The following GALNT14 variants were observed in gnomAD, a reference collection of about 807,000 sequenced individuals.
GALNT14 encodes polypeptide N-acetylgalactosaminyltransferase 14, also known as UDP-GalNAc:polypeptide N-acetylgalactosaminyltransferase 14.
In GALNT14, 60 loss-of-function variants were observed where a neutral mutation model predicts 77.5. The ratio of observed to expected loss-of-function variants is 0.77; its 90% confidence interval spans 0.63 to 0.96. The LOEUF is 0.96. GALNT14 is among the 40% of genes least tolerant of loss of function. The pLI is 0.00. For missense variants in GALNT14, 710 were observed against 731.0 expected, an observed-to-expected ratio of 0.97 and a Z score of 0.33; for synonymous variants, 280 against 281.7, an observed-to-expected ratio of 0.99 and a Z score of 0.06.
intron 1 of GALNT14, among the ~76,000 whole-genome samples, chr2:31,080,876 A>T (rs1251808142): frequency 6.6e-6 from 1 of 152,218 alleles, no homozygotes; most frequent in Non-Finnish European, 1.5e-5. Context: ...AAAGATGCAG[A>T]TACTAAATTT....
intron 6 of GALNT14, among the ~76,000 whole-genome samples, chr2:30,952,891 T>C (rs1405085810): frequency 1.3e-5 from 2 of 152,214 alleles, no homozygotes; most frequent in African/African-American, 4.8e-5. Context: ...CTCCATCCCC[T>C]GCCAAGGGGT....
At chr2:31,030,263 C>T (rs1284529948) in intron 1 of GALNT14, among the ~76,000 whole-genome samples, 2 of 152,048 alleles carry the variant, frequency 1.3e-5, no homozygotes, top group Non-Finnish European at 2.9e-5. Context: ...TAAGAAATGT[C>T]AGCTGTAATA....
chr2:31,053,771 T>A (rs1674044579), intron 1 of GALNT14, among the ~76,000 whole-genome samples: 1 of 152,200 alleles, frequency 6.6e-6, no homozygotes. Context: ...CACCTCGGCA[T>A]CCATGCTTTC....
At chr2:31,137,519 G>GGCCTCCC (rs1679277289) in intron 1 of GALNT14, among the ~76,000 whole-genome samples, 1 of 152,044 alleles carries the variant, frequency 6.6e-6, no homozygotes, top group Non-Finnish European at 1.5e-5. Flanking sequence ...CCCGGCCTCC[G>GGCCTCCC]GCCTCCCCAG....
rs555570721 is a variant in GALNT14, at chr2:31,087,548, C to G, written c.129+50410G>C. 7.1e-5 allele frequency among the ~76,000 whole-genome samples: 4 copies of G among 55,970 alleles called. No individual in the cohort carries two copies. In the East Asian group the frequency reaches 1.2e-3, roughly 17 times the overall value. 36.7% of individuals were successfully genotyped at this position (55,970 alleles called of 152,430 possible). ...AGGCGAGGAGAGGAAGACCTCTAGA[C>G]CAAGTCCTTAGAAACAACACCACTG... On this transcript the variant is annotated intron_variant, in intron 1 of 14. Coordinates refer to ENST00000349752, the MANE Select transcript of GALNT14 (RefSeq NM_024572.4).
chr2:31,017,410 A>G (rs1230450387), intron 1 of GALNT14, among the ~76,000 whole-genome samples: 1 of 152,262 alleles, frequency 6.6e-6, no homozygotes, highest in Non-Finnish European at 1.5e-5. Flanking sequence ...ATTTACTGTA[A>G]ATAATACATA....
chr2:31,134,156 C>T (rs748960427), intron 1 of GALNT14, among the ~76,000 whole-genome samples: 3 of 152,214 alleles, frequency 2.0e-5, no homozygotes, highest in Admixed American at 6.5e-5. Flanking sequence ...CCTGCCTCTC[C>T]GAAGGCAATC....
intron 1 of GALNT14, among the ~76,000 whole-genome samples, chr2:31,048,992 GT>G (rs1414256816): frequency 1.2e-4 from 19 of 152,232 alleles, no homozygotes; most frequent in African/African-American, 4.6e-4. Context: ...CCCTTGTCCT[GT>G]CCAGCCAGCT....
intron 1 of GALNT14, among the ~76,000 whole-genome samples, chr2:31,067,324 G>T (rs1018257394): frequency 2.6e-5 from 4 of 152,138 alleles, no homozygotes; most frequent in African/African-American, 9.7e-5. Context: ...TCCCCACGGG[G>T]GCCAAAGAGA....
chr2:30,971,889 C>G (rs1316411920), intron 2 of GALNT14, among the ~76,000 whole-genome samples: 1 of 152,220 alleles, frequency 6.6e-6, no homozygotes, highest in African/African-American at 2.4e-5. Flanking sequence ...TCATTACATC[C>G]TGGCAGCAGC....
Position 31,137,943 on chromosome 2 carries a change from C to G in GALNT14, c.129+15G>C, listed in dbSNP as rs200209905. Reference sequence around the variant, plus strand: ...AAGCCACCGCTCAGCGCCAGCGCGCCGGCAAGCCGCCTACCTTAGGGGTCT... The same window carrying G: ...AAGCCACCGCTCAGCGCCAGCGCGCGGGCAAGCCGCCTACCTTAGGGGTCT... On this transcript the variant is annotated intron_variant, in intron 1 of 14. Transcript: ENST00000349752. 22 of 1,603,824 alleles carry G rather than the reference C, an allele frequency of 1.4e-5. No individual in the cohort carries two copies. Among genetic ancestry groups the G allele is most frequent in the Non-Finnish European group, 1.7e-5 (20 of 1,175,152 alleles).
chr2:31,069,751 A>G (rs575849135), intron 1 of GALNT14, among the ~76,000 whole-genome samples: 5 of 152,258 alleles, frequency 3.3e-5, no homozygotes, highest in Admixed American at 3.3e-4. Context: ...TTTTCTTCCC[A>G]AGAGGCCTTG....
At chr2:31,014,412 C>A (rs1414412395) in intron 1 of GALNT14, among the ~76,000 whole-genome samples, 1 of 152,116 alleles carries the variant, frequency 6.6e-6, no homozygotes, top group Non-Finnish European at 1.5e-5. Context: ...AGGCATTGGG[C>A]CCCCAGTTTC....
chr2:30,910,634 G>A lies in GALNT14; in HGVS notation c.*267C>T, dbSNP rs1212293058. 1.3e-5 allele frequency: 5 copies of A among 386,238 alleles called. No homozygotes were observed. The highest frequency in any genetic ancestry group is 2.1e-5 in the African/African-American group (1 of 48,110). 23.9% of individuals were successfully genotyped at this position (386,238 alleles called of 1,614,324 possible). ...AATAAACACTTCCCATTAGGTTTCT[G>A]TCTCCAGATACCAATCAGGGAATGA... On this transcript the variant is annotated 3_prime_UTR_variant, in exon 15 of 15. Coordinates refer to ENST00000349752, the MANE Select transcript of GALNT14 (RefSeq NM_024572.4).
intron 1 of GALNT14, among the ~76,000 whole-genome samples, chr2:31,101,175 C>T (rs912262016): frequency 1.3e-5 from 2 of 151,954 alleles, no homozygotes; most frequent in African/African-American, 4.8e-5. Context: ...TTTTCAGTAT[C>T]TATGAAGATA....
intron 1 of GALNT14, among the ~76,000 whole-genome samples, chr2:31,028,047 T>C (rs1672180393): frequency 6.6e-6 from 1 of 152,180 alleles, no homozygotes; most frequent in Non-Finnish European, 1.5e-5. Flanking sequence ...GCAAGTGTGC[T>C]TGTAAACCTT....
At chr2:31,027,916 G>GTT (rs1323618169) in intron 1 of GALNT14, among the ~76,000 whole-genome samples, 1 of 151,648 alleles carries the variant, frequency 6.6e-6, no homozygotes, top group African/African-American at 2.4e-5. Flanking sequence ...GTGTGTGTGT[G>GTT]TGCACGCATG....
chr2:31,078,923 TTC>T, intron 1 of GALNT14: 2 of 1,289,240 alleles, frequency 1.6e-6, no homozygotes, highest in Non-Finnish European at 2.0e-6. Flanking sequence ...ACAAATTCAG[TTC>T]TGACTCACTG....
chr2:31,086,894 C>A (rs1558560068), intron 1 of GALNT14, among the ~76,000 whole-genome samples: 1 of 152,154 alleles, frequency 6.6e-6, no homozygotes, highest in Non-Finnish European at 1.5e-5. Flanking sequence ...ACTTACCAAG[C>A]ACCTGCTAGG....
Sources: gnomAD v4.1 joint callset for allele counts (sites outside exome capture counted in the v4.1 genomes callset) on GRCh38, gnomAD v4.1.1 for gene constraint, MANE v1.5 for transcripts, NCBI Gene and HGNC (gene_info 2026-07-23, HGNC 2026-07-21) for gene names.